HPS4: variants seen among roughly 807,000 people sequenced by gnomAD.
HPS4 encodes BLOC-3 complex member HPS4.
In HPS4, 44 loss-of-function variants were observed where a neutral mutation model predicts 70.3. The ratio of observed to expected loss-of-function variants is 0.63; its 90% CI spans 0.49 to 0.80. HPS4 has a LOEUF of 0.80. Among genes scored for constraint, HPS4 ranks in the 30% least tolerant of loss-of-function variants. The pLI, the probability that HPS4 is intolerant of heterozygous loss-of-function variation, is 0.00. For synonymous variants in HPS4, 377 were observed against 355.9 expected (o/e 1.06, Z -0.67); for missense variants, 873 against 884.4 (o/e 0.99, Z 0.16).
At chr22:26,458,655 A>C (rs2086656118) in intron 11 of HPS4, 78 bp from the exon 12 acceptor site, 1 of 1,555,092 alleles carries the variant, frequency 6.4e-7, no homozygotes, top group Non-Finnish European at 8.8e-7. Flanking sequence ...CCACAGACTT[A>C]GTTAAAAAAA....
In HPS4 at chr22:26,470,819, C is replaced by T. The variant is rs747906892; in HGVS notation, c.502-6G>A. 1.1e-5 allele frequency: 17 copies of T among 1,614,110 alleles called. No homozygotes were observed. Among genetic ancestry groups the T allele is most frequent in the Middle Eastern group, 1.6e-4 (1 of 6,062 alleles). ...AGCAACAACAGGGGCTCCACCTGTG[C>T]AGGGCAAGAGGCATCATGCCCACCC... On this transcript the variant is annotated splice_polypyrimidine_tract_variant and splice_region_variant and intron_variant, in intron 6 of 13. Transcript: ENST00000398145.
chr22:26,458,651 A>G, intron 11 of HPS4, 74 bp from the exon 12 acceptor site: 1 of 1,566,602 alleles, frequency 6.4e-7, no homozygotes. Context: ...TTAACCACAG[A>G]CTTAGTTAAA....
rs535921652 is a variant in HPS4 at position 26,466,107 on chromosome 22, A to G, written c.706+119T>C. 411 of 1,607,156 alleles carry G rather than the reference A, an allele frequency of 2.6e-4. 2 individuals are homozygous for G. The Middle Eastern group carries it at 4.1e-3, about 16-fold the overall frequency. ...GAAGCTCCATAACATCCATTTTCCT[A>G]TTATGAGCAGAGGAAATAAACATGC... On this transcript the variant is annotated intron_variant, in intron 9 of 13. Transcript: ENST00000398145.
At chr22:26,449,075 G>A (rs527301461), downstream of HPS4, among the ~76,000 whole-genome samples, 2 of 152,170 alleles carry the variant, frequency 1.3e-5, no homozygotes, top group East Asian at 1.9e-4. Flanking sequence ...CACTCCGTCC[G>A]CCAGCTCCTT....
chr22:26,453,735 C>T, intron 13 of HPS4: 2 of 390,418 alleles, frequency 5.1e-6, no homozygotes, highest in Non-Finnish European at 9.8e-6. Context: ...ATGCAATGTG[C>T]TCTGCATACA....
At chr22:26,461,784 C>T (rs1175495813) in intron 11 of HPS4, among the ~76,000 whole-genome samples, 2 of 152,122 alleles carry the variant, frequency 1.3e-5, no homozygotes, top group African/African-American at 4.8e-5. Context: ...ATTAACAAAC[C>T]CACTCTCAAA....
intron 13 of HPS4, 82 bp from the exon 14 acceptor site, chr22:26,453,486 G>A: frequency 6.8e-7 from 1 of 1,471,456 alleles, no homozygotes; most frequent in African/African-American, 1.4e-5. Context: ...TAAGGTTCTT[G>A]TCACAGAGGA....
rs1307064301 is a variant in HPS4 at position 26,482,150 on chromosome 22, A to C, written c.-388T>G. The C allele has an allele frequency of 3.8e-6, 1 of 266,254 alleles. No homozygotes were observed. Among genetic ancestry groups the C allele is most frequent in the Non-Finnish European group, 7.4e-6 (1 of 134,820 alleles). 16.5% of individuals were successfully genotyped at this position (266,254 alleles called of 1,614,324 possible). A position where few individuals can be genotyped will look rare whatever the true frequency, so the allele number is the denominator to read the frequency against. On this transcript the variant is annotated 5_prime_UTR_variant, in exon 2 of 14. Transcript: ENST00000398145. Reference sequence around the variant, plus strand: ...GATGCATGCTAGAGCTGGTGTTCTAAAGAAATTTCTAGCTTGTCTAGTTCA... The same window carrying C: ...GATGCATGCTAGAGCTGGTGTTCTACAGAAATTTCTAGCTTGTCTAGTTCA...
downstream of HPS4, among the ~76,000 whole-genome samples, chr22:26,449,386 A>T (rs776828121): frequency 2.4e-4 from 35 of 145,536 alleles, no homozygotes; most frequent in Middle Eastern, 3.4e-3. Context: ...CTGGAGTGCA[A>T]TGAATCTCAG....
At chr22:26,456,417 T>C (rs143032142) in intron 13 of HPS4, among the ~76,000 whole-genome samples, 1,952 of 152,336 alleles carry the variant, frequency 0.013, 145 homozygotes, top group Admixed American at 0.12. Context: ...TCCCAGCACT[T>C]TGGAAGGCCA....
intron 11 of HPS4, among the ~76,000 whole-genome samples, chr22:26,461,066 G>C (rs1263046411): frequency 6.6e-6 from 1 of 152,186 alleles, no homozygotes; most frequent in Non-Finnish European, 1.5e-5. Flanking sequence ...ACAGCCCTAG[G>C]CAACACAGAG....
At chr22:26,468,669 C>T in intron 7 of HPS4, 46 bp from the exon 8 acceptor site, 2 of 1,542,944 alleles carry the variant, frequency 1.3e-6, no homozygotes, top group East Asian at 2.2e-5. Context: ...ACGAAATACA[C>T]CAAAACACTC....
chr22:26,476,940 T>G, intron 4 of HPS4, 53 bp downstream of exon 4: 7 of 1,595,070 alleles, frequency 4.4e-6, no homozygotes, highest in Non-Finnish European at 6.0e-6. Flanking sequence ...ACAACATAAC[T>G]TCCTAAACTT....
intron 13 of HPS4, 33 bp downstream of exon 13, chr22:26,457,826 G>A (rs774710039): frequency 1.1e-5 from 17 of 1,526,324 alleles, no homozygotes; most frequent in African/African-American, 6.8e-5. Flanking sequence ...GGACCGTGGA[G>A]AGTAGGTTGG....
chr22:26,450,419 G>A (rs1027857707), downstream of HPS4, among the ~76,000 whole-genome samples: 4 of 152,216 alleles, frequency 2.6e-5, no homozygotes, highest in Non-Finnish European at 5.9e-5. Flanking sequence ...ACCATGGAGG[G>A]CGACTTCAAC....
Position 26,479,306 on chromosome 22 carries a change from C to G in HPS4, c.91G>C (p.Asp31His). The G allele has an allele frequency of 6.2e-7, 1 of 1,614,088 alleles. No homozygotes were observed. The highest frequency in any genetic ancestry group is 8.5e-7 in the Non-Finnish European group (1 of 1,180,016). ...YDGSKVKEEG[D>H]PTRAGICYFY... ...TAACAAATGCCAGCTCTTGTTGGAT[C>G]GCCTTCTTCCTTTACCTTGGAACCA... Residue 31 changes from aspartate to histidine, a missense_variant, in exon 3 of 14, where the codon GAT (aspartate) becomes CAT (histidine). Coordinates refer to ENST00000398145, the MANE Select transcript of HPS4 (RefSeq NM_022081.6).
At chr22:26,483,820 C>G (rs547422864), upstream of HPS4, 30 of 1,234,912 alleles carry the variant, frequency 2.4e-5, 1 homozygote, top group East Asian at 8.0e-4. Context: ...ACCTCCCCCT[C>G]CAGCTCCTGG....
downstream of HPS4, among the ~76,000 whole-genome samples, chr22:26,448,374 G>T (rs192666150): frequency 6.6e-6 from 1 of 152,240 alleles, no homozygotes; most frequent in East Asian, 1.9e-4. Context: ...GCAGAGCTGC[G>T]ATTTGAACCC....
intron 11 of HPS4, among the ~76,000 whole-genome samples, chr22:26,462,600 T>C (rs1051175031): frequency 2.6e-5 from 4 of 152,238 alleles, no homozygotes; most frequent in Non-Finnish European, 4.4e-5. Context: ...GGCTATTTTT[T>C]CCTTTTTGTG....
Sources: gnomAD v4.1 joint callset for allele counts (sites outside exome capture counted in the v4.1 genomes callset) on GRCh38, gnomAD v4.1.1 for gene constraint, MANE v1.5 for transcripts, NCBI Gene and HGNC (gene_info 2026-07-23, HGNC 2026-07-21) for gene names.